POMT1: variants seen among roughly 807,000 people sequenced by gnomAD.
POMT1 encodes protein O-mannosyl-transferase 1.
Under a neutral mutation model 101.6 loss-of-function variants are expected in POMT1, and 85 were observed. That is an observed-to-expected ratio of 0.84 (90% CI 0.70 to 1.00). The LOEUF is 1.00. Ranked by LOEUF, POMT1 falls within the 50% of genes least tolerant of loss-of-function variation. The pLI is 0.00. For synonymous variants in POMT1, 371 were observed against 383.0 expected (o/e 0.97, Z 0.37); for missense variants, 857 against 930.4 (o/e 0.92, Z 1.03).
rs1179368212 is a variant in POMT1 at position 131,515,598 on chromosome 9, GGAGCACTCCCTAACACA to G, written c.1272+84_1272+100del. ...CCTCACACGGAGCACTTCCTCACCC[GGAGCACTCCCTAACACA>G]GAGCACTTCCTAACAGAACACTTCA... On this transcript the variant is annotated intron_variant, in intron 13 of 19. Coordinates refer to ENST00000402686, the MANE Select transcript of POMT1 (RefSeq NM_001077365.2). The G allele has an allele frequency of 4.4e-6, 6 of 1,368,698 alleles. No homozygotes were observed. In the East Asian group the frequency reaches 1.4e-4, roughly 32 times the overall value. The allele number at this position is 1,368,698 out of a possible 1,614,324, so 84.8% of individuals were successfully genotyped here. A position where few individuals can be genotyped will look rare whatever the true frequency, so the allele number is the denominator to read the frequency against.
rs1227393445 is a variant in POMT1, at chr9:131,523,161, C to A, written c.*55C>A. The A allele has an allele frequency of 1.3e-6, 2 of 1,583,000 alleles. No individual in the cohort carries two copies. The highest frequency in any genetic ancestry group is 1.3e-5 in the African/African-American group (1 of 74,602). On this transcript the variant is annotated 3_prime_UTR_variant, in exon 20 of 20. Coordinates refer to ENST00000402686, the MANE Select transcript of POMT1 (RefSeq NM_001077365.2). ...TGGGGTCGGGATGAGGTTGAAGGGTCTTGGTCAATGTACGTAATGAGCAGG... is the reference window on the plus strand; with the variant it reads ...TGGGGTCGGGATGAGGTTGAAGGGTATTGGTCAATGTACGTAATGAGCAGG...
chr9:131,518,533 TA>T lies in POMT1; in HGVS notation c.1364del (p.Lys455SerfsTer2), dbSNP rs1472946513. On this transcript the variant is annotated frameshift_variant, in exon 14 of 20. Coordinates refer to ENST00000402686, the MANE Select transcript of POMT1 (RefSeq NM_001077365.2). LOFTEE classifies it high-confidence loss of function. ...GTGCACGTGAACACTTCCGCTGTCT[TA>T]AAGGTAAGGACACTGTCCGTGGCTT... ...RFVHVNTSAV[L>X]KLSGAHLPDW... is the part of the protein sequence containing the mutation. 2 of 1,613,000 alleles carry T rather than the reference TA, an allele frequency of 1.2e-6. No homozygotes were observed. The highest frequency in any genetic ancestry group is 1.7e-6 in the Non-Finnish European group (2 of 1,179,216).
intron 12 of POMT1, 96 bp downstream of exon 12, chr9:131,513,427 C>G: frequency 2.7e-6 from 3 of 1,099,354 alleles, no homozygotes; most frequent in Non-Finnish European, 4.0e-6. Context: ...GGCCGCTGCC[C>G]CCTGTCTACC....
In POMT1 at chr9:131,520,033, G is replaced by T. The variant is rs201675418; in HGVS notation, c.1585-47G>T. On this transcript the variant is annotated intron_variant, in intron 16 of 19. Coordinates refer to ENST00000402686, the MANE Select transcript of POMT1 (RefSeq NM_001077365.2). ...CCTTTGACCAAATCCACGCACAGCGGGAGGCATCCCCCATCCTCAATCTCA... is the reference window on the plus strand; with the variant it reads ...CCTTTGACCAAATCCACGCACAGCGTGAGGCATCCCCCATCCTCAATCTCA... 3,503 of 1,488,262 alleles carry T rather than the reference G, an allele frequency of 2.4e-3. 7 individuals carry two copies. The highest frequency in any genetic ancestry group is 3.1e-3 in the Non-Finnish European group (3,304 of 1,068,320). The allele number at this position is 1,488,262 out of a possible 1,614,324, so 92.2% of individuals were successfully genotyped here.
At chr9:131,510,988 GCT>G in intron 9 of POMT1, 1 of 292,188 alleles carries the variant, frequency 3.4e-6, no homozygotes, top group South Asian at 4.0e-5. Flanking sequence ...GTGCTGTAGT[GCT>G]GTGTGTTTCA....
chr9:131,522,339 A>G lies in POMT1; in HGVS notation c.2003+115A>G. 1.9e-6 allele frequency: 3 copies of G among 1,540,912 alleles called. No homozygotes were observed. The highest frequency in any genetic ancestry group is 2.4e-5 in the East Asian group (1 of 41,660). On this transcript the variant is annotated intron_variant, in intron 19 of 19. Coordinates refer to ENST00000402686, the MANE Select transcript of POMT1 (RefSeq NM_001077365.2). The surrounding 1 kb of genome is among the most constrained non-coding windows in gnomAD (Gnocchi z 5.5). ...CTCACCCATTTCACGTTACACTGAC[A>G]TCCTCCGGGTCCCTCCGGGGAATGG...
chr9:131,507,841 G>A (rs1946194693), intron 5 of POMT1, among the ~76,000 whole-genome samples: 1 of 152,178 alleles, frequency 6.6e-6, no homozygotes, highest in Admixed American at 6.5e-5. Context: ...CCACCTCCCA[G>A]GCCTTGGCCA....
At chr9:131,520,750 G>A (rs1949758095) in intron 17 of POMT1, among the ~76,000 whole-genome samples, 1 of 152,106 alleles carries the variant, frequency 6.6e-6, no homozygotes, top group Non-Finnish European at 1.5e-5. Flanking sequence ...CTCCTCCGTG[G>A]ACAGCGCTGC....
At chr9:131,508,205 CCAGCCTGGG>C (rs568441474) in intron 5 of POMT1, among the ~76,000 whole-genome samples, 198 of 150,902 alleles carry the variant, frequency 1.3e-3, no homozygotes, top group Non-Finnish European at 2.1e-3. Flanking sequence ...CCACTGCACT[CCAGCCTGGG>C]CAACAGAGCA....
intron 12 of POMT1, among the ~76,000 whole-genome samples, chr9:131,513,949 C>G (rs950423127): frequency 1.3e-5 from 2 of 152,220 alleles, no homozygotes; most frequent in South Asian, 2.1e-4. Context: ...GACTTCCACC[C>G]GGCTGCCCGG....
At position 131,504,331 on chromosome 9, in the gene POMT1, G is replaced by C; in HGVS notation, c.113G>C (p.Arg38Pro). The C allele has an allele frequency of 1.2e-6, 2 of 1,614,210 alleles. No individual in the cohort carries two copies. Among genetic ancestry groups the C allele is most frequent in the Non-Finnish European group, 1.7e-6 (2 of 1,180,042 alleles). Reference sequence around the variant, plus strand: ...CGGCTGTGGCGACTCACCTACCCGCGGGCTGTGGTGTAAGCTAAATGACTC... The same window carrying C: ...CGGCTGTGGCGACTCACCTACCCGCCGGCTGTGGTGTAAGCTAAATGACTC... ...LSRLWRLTYP[R>P]AVVFDEVYYG... is the part of the protein sequence containing the mutation. Residue 38 changes from arginine to proline, a missense_variant, in exon 2 of 20, where the codon CGG becomes CCG. Physicochemically the swap from Arg to Pro is moderately radical, Grantham distance 103 (BLOSUM62 -2). Coordinates refer to ENST00000402686, the MANE Select transcript of POMT1 (RefSeq NM_001077365.2).
intron 11 of POMT1, among the ~76,000 whole-genome samples, chr9:131,513,012 C>T (rs1296935703): frequency 6.6e-6 from 1 of 152,228 alleles, no homozygotes; most frequent in Non-Finnish European, 1.5e-5. Flanking sequence ...CAGAGCAATG[C>T]AGGTGTGATG....
chr9:131,511,463 A>G lies in POMT1; in HGVS notation c.982A>G (p.Met328Val). The part of the protein sequence containing the change: ...WLHSHQDTYP[M>V]IYENGRGSSH... ...TCATTCCCACCAGGACACCTACCCCATGATGTAAGGTGATGGTTTTACTTT... is the reference window on the plus strand; with the variant it reads ...TCATTCCCACCAGGACACCTACCCCGTGATGTAAGGTGATGGTTTTACTTT... The change falls in exon 10 of 20, where the codon ATG becomes GTG. Residue 328 changes from methionine (M) to valine (V), a missense_variant. By Grantham distance (21) the Met-to-Val change is conservative. Coordinates refer to ENST00000402686, the MANE Select transcript of POMT1 (RefSeq NM_001077365.2). 6.2e-7 allele frequency: 1 copy of G among 1,614,140 alleles called. No individual in the cohort carries two copies. Among genetic ancestry groups the G allele is most frequent in the Non-Finnish European group, 8.5e-7 (1 of 1,179,992 alleles).
In POMT1 at chr9:131,522,483, G is replaced by A; in HGVS notation, c.2003+259G>A. 2.9e-6 allele frequency: 2 copies of A among 688,600 alleles called. No individual in the cohort carries two copies. The highest frequency in any genetic ancestry group is 2.9e-5 in the East Asian group (1 of 34,150). The allele number at this position is 688,600 out of a possible 1,614,324, so 42.7% of individuals were successfully genotyped here. On this transcript the variant is annotated intron_variant, in intron 19 of 19. Transcript: ENST00000402686. This position sits in a 1 kb window ranked among gnomAD's most constrained non-coding sequence, Gnocchi z 5.5. ...ACGGGGAGGGGATGAAGAGATGTGG[G>A]TGGCCTGGAGGATTCGGGAGCAGGG...
Position 131,504,237 on chromosome 9 carries a change from C to A in POMT1, c.19C>A (p.Arg7Ser). 6.2e-7 allele frequency: 1 copy of A among 1,614,122 alleles called. No individual in the cohort carries two copies. Among genetic ancestry groups the A allele is most frequent in the Non-Finnish European group, 8.5e-7 (1 of 1,180,024 alleles). MWGFLK[R>S]PVVVTADINL... ...CTACAAGATGTGGGGATTTTTGAAG[C>A]GCCCTGTAGTGGTGACGGCTGACAT... The change falls in exon 2 of 20, where the codon CGC becomes AGC. Residue 7 changes from arginine (R) to serine (S), a missense_variant. Physicochemically the swap from Arg to Ser is moderately radical, Grantham distance 110. Transcript: ENST00000402686.
At chr9:131,507,573 C>G in intron 5 of POMT1, 59 bp downstream of exon 5, 1 of 1,607,760 alleles carries the variant, frequency 6.2e-7, no homozygotes, top group South Asian at 1.1e-5. Context: ...GACCCTTTGG[C>G]CCGGAAGATC....
chr9:131,512,382 G>C (rs1026164709), intron 11 of POMT1, among the ~76,000 whole-genome samples: 1 of 152,078 alleles, frequency 6.6e-6, no homozygotes, highest in Non-Finnish European at 1.5e-5. Flanking sequence ...CCCGACCTGT[G>C]TCCCTCTCCC....
chr9:131,513,675 A>G (rs900724337), intron 12 of POMT1, among the ~76,000 whole-genome samples: 1 of 152,188 alleles, frequency 6.6e-6, no homozygotes, highest in Admixed American at 6.5e-5. Flanking sequence ...ACACCTCCTT[A>G]AAGTGGTCAA....
At position 131,523,761 on chromosome 9, in the gene POMT1, T is replaced by TGTC. The variant is rs957673687; in HGVS notation, c.*656_*658dup. The stretch of plus-strand genomic sequence containing the variant: ...TGTCATCCATACAGCTCCATGCCTT[T>TGTC]GTCTTTTTTAAATGTAATTAAAAAA... On this transcript the variant is annotated 3_prime_UTR_variant, in exon 20 of 20. Coordinates refer to ENST00000402686, the MANE Select transcript of POMT1 (RefSeq NM_001077365.2). 18 of 153,222 alleles carry TGTC rather than the reference T, an allele frequency of 1.2e-4. No individual in the cohort carries two copies. Among genetic ancestry groups the TGTC allele is most frequent in the African/African-American group, 4.1e-4 (17 of 41,598 alleles). The allele number at this position is 153,222 out of a possible 1,614,324, so 9.5% of individuals were successfully genotyped here.
Sources: allele counts gnomAD v4.1 joint callset (sites outside exome capture counted in the v4.1 genomes callset), GRCh38; gene constraint gnomAD v4.1.1; non-coding constraint Gnocchi (gnomAD v3.1); transcripts MANE v1.5; gene names NCBI Gene and HGNC (gene_info 2026-07-23, HGNC 2026-07-21).